Variants in FIBP observed in about 807,000 individuals in gnomAD.
FIBP encodes the protein acidic fibroblast growth factor intracellular-binding protein.
In FIBP, 29 loss-of-function variants were observed where a neutral mutation model predicts 40.5. That is an observed-to-expected ratio of 0.72 (90% confidence interval 0.53 to 0.98). The LOEUF is 0.98. Among genes scored for constraint, FIBP ranks in the 50% least tolerant of loss-of-function variants. The probability of loss-of-function intolerance (pLI) is 0.00; values close to 1 mark genes in which losing one functional copy is unlikely to be tolerated. For synonymous variants in FIBP, 215 were observed against 191.1 expected, an observed-to-expected ratio of 1.13 and a Z score of -1.03; for missense variants, 411 against 470.2, an observed-to-expected ratio of 0.87 and a Z score of 1.16.
Position 65,888,035 on chromosome 11 carries a change from G to A in FIBP, c.183C>T (p.Arg61=), listed in dbSNP as rs1441357249. 7 of 1,612,282 alleles carry A rather than the reference G, an allele frequency of 4.3e-6. No homozygotes were observed. The highest frequency in any genetic ancestry group is 2.2e-5 in the East Asian group (1 of 44,848). The change falls in exon 2 of 10, where the codon CGC becomes CGT. Residue 61 remains arginine (R), a synonymous_variant. Transcript: ENST00000357519. ...VLQSDTMDHY[R]TFHMLERLLH... is the part of the protein sequence containing the mutation. ...GCAGCCGCTCGAGCATGTGGAAGGT[G>A]CGGTAATGGTCCATGGTGTCGCTCT...
Position 65,885,658 on chromosome 11 carries a change from T to C in FIBP, c.518A>G (p.Tyr173Cys), listed in dbSNP as rs149982213. Reference protein sequence around the residue: ...FLLSDRLARDYAAIVFFANNR... With the variant: ...FLLSDRLARDCAAIVFFANNR... ...GTTAGCAAAGAAGACGATGGCTGCATAGTCCCTGCACAGACGAGAGGAGGG... is the reference window on the plus strand; with the variant it reads ...GTTAGCAAAGAAGACGATGGCTGCACAGTCCCTGCACAGACGAGAGGAGGG... The change falls in exon 5 of 10, where the codon TAT becomes TGT. Residue 173 changes from tyrosine (Y) to cysteine (C), a missense_variant. Physicochemically the swap from Tyr to Cys is radical, Grantham distance 194. Transcript: ENST00000357519. The C allele has an allele frequency of 8.7e-6, 14 of 1,613,510 alleles. No individual in the cohort carries two copies. The African/African-American group carries it at 9.3e-5, about 11-fold the overall frequency.
chr11:65,884,972 T>A lies in FIBP; in HGVS notation c.782A>T (p.Lys261Met), dbSNP rs768081747. ...TTCCATCTCAGAGAAGACGCCCAGC[T>A]TTCCCCGGAGAGCAGTGCACACCAG... The part of the protein sequence containing the change: ...KSLVCTALRG[K>M]LGVFSEMEAN... The change falls in exon 7 of 10, where the codon AAG (lysine) becomes ATG (methionine). Residue 261 changes from lysine (K) to methionine (M), a missense_variant. Physicochemically the swap from Lys to Met is moderately conservative, Grantham distance 95 (BLOSUM62 -1). Transcript: ENST00000357519. 5 of 1,614,140 alleles carry A rather than the reference T, an allele frequency of 3.1e-6. No homozygotes were observed. In the South Asian group the frequency reaches 5.5e-5, roughly 18 times the overall value.
chr11:65,884,290 C>T (rs556385725), intron 9 of FIBP, 102 bp downstream of exon 9: 1 of 1,116,654 alleles, frequency 9.0e-7, no homozygotes, highest in Non-Finnish European at 1.3e-6. Flanking sequence ...GTCCCACCCC[C>T]AGGGTAGCAG....
chr11:65,885,727 C>T, intron 4 of FIBP, 64 bp from the exon 5 acceptor site: 3 of 1,512,034 alleles, frequency 2.0e-6, no homozygotes, highest in South Asian at 2.5e-5. Flanking sequence ...CAGCTCCCAC[C>T]TGCAACCTCA....
chr11:65,885,722 C>T (rs1860218337), intron 4 of FIBP, 59 bp from the exon 5 acceptor site: 1 of 1,528,460 alleles, frequency 6.5e-7, no homozygotes, highest in East Asian at 2.3e-5. Flanking sequence ...GGAAGCAGCT[C>T]CCACCTGCAA....
Position 65,884,987 on chromosome 11 carries a change from G to A in FIBP, c.767C>T (p.Thr256Ile). Residue 256 changes from threonine (T) to isoleucine (I), a missense_variant, in exon 7 of 10, where the codon ACT (threonine) becomes ATT (isoleucine). Physicochemically the swap from Thr to Ile is moderately conservative, Grantham distance 89. Transcript: ENST00000357519. ...LLDLHKSLVC[T>I]ALRGKLGVFS... The stretch of plus-strand genomic sequence containing the variant: ...GACGCCCAGCTTTCCCCGGAGAGCA[G>A]TGCACACCAGGCTGCAGAGAGACAG... The A allele has an allele frequency of 1.2e-6, 2 of 1,614,198 alleles. No individual in the cohort carries two copies. The highest frequency in any genetic ancestry group is 2.2e-5 in the East Asian group (1 of 44,884).
rs1295524688 is a variant in FIBP at position 65,885,595 on chromosome 11, A to G, written c.581T>C (p.Leu194Pro). The G allele has an allele frequency of 6.2e-7, 1 of 1,613,352 alleles. No homozygotes were observed. The highest frequency in any genetic ancestry group is 1.3e-5 in the African/African-American group (1 of 74,906). The change falls in exon 5 of 10, where the codon CTG (leucine) becomes CCG (proline). Residue 194 changes from leucine (L) to proline (P), a missense_variant. Transcript: ENST00000357519. ...FETGKKKLQY[L>P]SFGDFAFCAE... ...GCAGAAGGCAAAGTCACCGAAGCTC[A>G]GATACTGCAGTTTTTTCTTCCCTGT...
At chr11:65,885,492 G>A in intron 5 of FIBP, 38 bp downstream of exon 5, 4 of 1,600,010 alleles carry the variant, frequency 2.5e-6, no homozygotes, top group Non-Finnish European at 3.4e-6. Context: ...CCTGAGGATG[G>A]GGAGGCGTCC....
In FIBP at chr11:65,883,845, C is replaced by A; in HGVS notation, c.*129G>T. 1 of 831,606 alleles carries A rather than the reference C, an allele frequency of 1.2e-6. No homozygotes were observed. The highest frequency in any genetic ancestry group is 1.9e-6 in the Non-Finnish European group (1 of 519,192). The allele number at this position is 831,606 out of a possible 1,614,324, so 51.5% of individuals were successfully genotyped here. ...CACTGTACACATCCATCCTTGTACA[C>A]GGACACCAGGTGCTCAGAGACAGAC... On this transcript the variant is annotated 3_prime_UTR_variant, in exon 10 of 10. Coordinates refer to ENST00000357519, the MANE Select transcript of FIBP (RefSeq NM_004214.5).
chr11:65,885,917 C>T, intron 4 of FIBP: 1 of 492,950 alleles, frequency 2.0e-6, no homozygotes, highest in South Asian at 2.9e-5. Flanking sequence ...TTCCTAAGTG[C>T]CAGGGCTGTG....
chr11:65,887,471 A>C, intron 3 of FIBP, 129 bp downstream of exon 3: 7 of 921,772 alleles, frequency 7.6e-6, no homozygotes, highest in East Asian at 2.5e-5. Context: ...AAAGGAGGGG[A>C]AAGGGGAAGG....
At position 65,883,895 on chromosome 11, in the gene FIBP, C is replaced by T. The variant is rs771062249; in HGVS notation, c.*79G>A. 1.0e-4 allele frequency: 131 copies of T among 1,311,172 alleles called. No individual in the cohort carries two copies. Among genetic ancestry groups the T allele is most frequent in the Non-Finnish European group, 1.3e-4 (124 of 923,994 alleles). 81.2% of individuals were successfully genotyped at this position (1,311,172 alleles called of 1,614,324 possible). On this transcript the variant is annotated 3_prime_UTR_variant, in exon 10 of 10. Transcript: ENST00000357519. ...CACAGGCACATCTGCACGCCCCCCA[C>T]TTGCTCCCCGGAGCGAGGACCAGTC...
intron 3 of FIBP, 77 bp from the exon 4 acceptor site, chr11:65,886,499 A>C: frequency 1.1e-6 from 1 of 928,942 alleles, no homozygotes. Flanking sequence ...CCACTTATTG[A>C]ACATCTCTCC....
At chr11:65,886,522 C>T (rs370099371) in intron 3 of FIBP, 100 bp from the exon 4 acceptor site, 4 of 770,202 alleles carry the variant, frequency 5.2e-6, no homozygotes, top group African/African-American at 5.1e-5. Context: ...TCCCCATCCA[C>T]CTATCCAGTC....
At chr11:65,885,704 C>T (rs1763589407) in intron 4 of FIBP, 41 bp from the exon 5 acceptor site, 4 of 1,560,612 alleles carry the variant, frequency 2.6e-6, no homozygotes, top group Middle Eastern at 1.7e-4. Flanking sequence ...GCTTGAAATT[C>T]CTTCTTAGGA....
chr11:65,883,940 T>C lies in FIBP; in HGVS notation c.*34A>G. The C allele has an allele frequency of 6.2e-7, 1 of 1,603,914 alleles. No homozygotes were observed. The highest frequency in any genetic ancestry group is 8.5e-7 in the Non-Finnish European group (1 of 1,172,054). ...CCAGTCTCCAAACTCAGAGCAACTT[T>C]ATTGTCAGCGTGGGCGGAGCGTTGG... On this transcript the variant is annotated 3_prime_UTR_variant, in exon 10 of 10. Transcript: ENST00000357519.
At chr11:65,887,481 G>A (rs1378258838) in intron 3 of FIBP, 119 bp downstream of exon 3, 4 of 1,103,722 alleles carry the variant, frequency 3.6e-6, no homozygotes, top group Non-Finnish European at 5.5e-6. Context: ...AAAGGGGAAG[G>A]GAGGAGAAGA....
chr11:65,887,956 G>T lies in FIBP; in HGVS notation c.262C>A (p.Arg88=), dbSNP rs141319621. The T allele has an allele frequency of 1.9e-6, 3 of 1,613,714 alleles. No homozygotes were observed. The Admixed American group carries it at 5.0e-5, about 27-fold the overall frequency. Residue 88 remains arginine, a synonymous_variant, in exon 2 of 10, where the codon CGG becomes AGG. Transcript: ENST00000357519. Reference sequence around the variant, plus strand: ...CACCTCTCGATGAGTAGTGCCTGCCGGGAGGGCGGAATCTGGAAGATGAGC... The same window carrying T: ...CACCTCTCGATGAGTAGTGCCTGCCTGGAGGGCGGAATCTGGAAGATGAGC... ...HQLIFQIPPS[R]QALLIERYYA... is the part of the protein sequence containing the mutation.
chr11:65,886,111 A>G (rs528961675), intron 4 of FIBP: 150 of 515,924 alleles, frequency 2.9e-4, no homozygotes, highest in Non-Finnish European at 4.6e-4. Context: ...GGTTGCAGTG[A>G]GCCAAGATTG....
Sources: allele counts gnomAD v4.1 joint callset, GRCh38; gene constraint gnomAD v4.1.1; transcripts MANE v1.5; gene names NCBI Gene and HGNC (gene_info 2026-07-23, HGNC 2026-07-21).